LGSN: variants seen among roughly 807,000 people sequenced by gnomAD.
LGSN encodes lengsin, lens protein with glutamine synthetase domain.
Under a neutral mutation model 19.5 loss-of-function variants are expected in LGSN, and 21 were observed. The ratio of observed to expected loss-of-function variants is 1.07; its 90% CI spans 0.76 to 1.55. The LOEUF (loss-of-function observed/expected upper bound fraction) is 1.55. Ranked by LOEUF, LGSN falls within the 40% of genes most tolerant of loss-of-function variation. The pLI is 0.00. For synonymous variants in LGSN, 257 were observed against 215.6 expected (o/e 1.19, Z -1.68); for missense variants, 673 against 608.5 (o/e 1.11, Z -1.12).
the LGSN span, chr6:63,572,310 C>CA: frequency 4.4e-6 from 1 of 227,378 alleles, no homozygotes. Flanking sequence ...GGCGCTTAGC[C>CA]ATTCATCAAC....
chr6:63,518,894 A>G, the LGSN span, among the ~76,000 whole-genome samples: 1 of 152,204 alleles, frequency 6.6e-6, no homozygotes, highest in East Asian at 1.9e-4. Context: ...TATCTTTCAG[A>G]TTTTAGAAAA....
chr6:63,297,708 C>T (rs1482917279), intron 1 of LGSN, among the ~76,000 whole-genome samples: 2 of 152,160 alleles, frequency 1.3e-5, no homozygotes, highest in Non-Finnish European at 2.9e-5. Flanking sequence ...CACAAAGTAG[C>T]AAGTCCTTCT....
chr6:63,434,604 C>CA, the LGSN span, among the ~76,000 whole-genome samples: 2,457 of 62,788 alleles, frequency 0.039, 36 homozygotes, highest in Middle Eastern at 0.078. Context: ...ACTAAAAATT[C>CA]AAAAAAAAAA....
chr6:63,470,759 T>A, the LGSN span, among the ~76,000 whole-genome samples: 2 of 151,918 alleles, frequency 1.3e-5, no homozygotes, highest in Non-Finnish European at 2.9e-5. Context: ...TCATCCTTAG[T>A]AGGGGCACAA....
the LGSN span, among the ~76,000 whole-genome samples, chr6:63,461,351 C>T: frequency 6.6e-6 from 1 of 152,214 alleles, no homozygotes; most frequent in African/African-American, 2.4e-5. Flanking sequence ...CATGCCCAGC[C>T]TTGTCTGTGC....
chr6:63,432,183 GAAAAGAAAAGAAAAGA>G, the LGSN span, among the ~76,000 whole-genome samples: 1 of 25,034 alleles, frequency 4.0e-5, no homozygotes, highest in Non-Finnish European at 7.5e-5. Context: ...AGGAAAGAAA[GAAAAGAAAAGAAAAGA>G]AAAGAAAAGA....
At chr6:63,365,483 T>A in the LGSN span, among the ~76,000 whole-genome samples, 5 of 152,276 alleles carry the variant, frequency 3.3e-5, no homozygotes, top group Non-Finnish European at 7.4e-5. Flanking sequence ...ACCAGATGGA[T>A]TCACAGACGA....
At chr6:63,284,329 G>GT (rs1282034796) in intron 3 of LGSN, among the ~76,000 whole-genome samples, 1 of 152,004 alleles carries the variant, frequency 6.6e-6, no homozygotes, top group Non-Finnish European at 1.5e-5. Flanking sequence ...GAATAAAAGT[G>GT]TTTTTTGTAT....
the LGSN span, among the ~76,000 whole-genome samples, chr6:63,328,299 G>T: frequency 6.6e-6 from 1 of 152,318 alleles, no homozygotes; most frequent in South Asian, 2.1e-4. Flanking sequence ...GCATAAGTCT[G>T]GACTATAATT....
At chr6:63,317,052 G>T (rs1035872018) in intron 1 of LGSN, among the ~76,000 whole-genome samples, 4 of 151,960 alleles carry the variant, frequency 2.6e-5, no homozygotes, top group Non-Finnish European at 5.9e-5. Flanking sequence ...ATGTAAAAAG[G>T]TATATTATAT....
the LGSN span, among the ~76,000 whole-genome samples, chr6:63,425,451 T>C: frequency 6.6e-6 from 1 of 152,186 alleles, no homozygotes; most frequent in East Asian, 1.9e-4. Context: ...AAAAAAAGAC[T>C]GGACATTCAT....
chr6:63,313,404 ATAT>A (rs1361401684), intron 1 of LGSN, among the ~76,000 whole-genome samples: 1 of 152,194 alleles, frequency 6.6e-6, no homozygotes, highest in South Asian at 2.1e-4. Flanking sequence ...CACACAAGAA[ATAT>A]TATCAAATGA....
chr6:63,419,401 T>C, the LGSN span, among the ~76,000 whole-genome samples: 1 of 152,154 alleles, frequency 6.6e-6, no homozygotes, highest in African/African-American at 2.4e-5. Context: ...GGAGGAAAGA[T>C]GGTCTCCCCA....
the LGSN span, among the ~76,000 whole-genome samples, chr6:63,500,825 T>G: frequency 6.6e-6 from 1 of 152,090 alleles, no homozygotes; most frequent in Non-Finnish European, 1.5e-5. Context: ...CTTCCTGGGC[T>G]CAAGTGATTC....
the LGSN span, among the ~76,000 whole-genome samples, chr6:63,336,416 G>A: frequency 6.6e-6 from 1 of 151,802 alleles, no homozygotes; most frequent in Admixed American, 6.6e-5. Context: ...TGCAGTCCCT[G>A]CACTTACTTA....
chr6:63,384,641 C>T, the LGSN span, among the ~76,000 whole-genome samples: 1 of 151,976 alleles, frequency 6.6e-6, no homozygotes, highest in Non-Finnish European at 1.5e-5. Context: ...CCTCAGCCTC[C>T]CAAGTAGCTG....
At chr6:63,538,465 G>A in the LGSN span, among the ~76,000 whole-genome samples, 4 of 152,166 alleles carry the variant, frequency 2.6e-5, no homozygotes, top group African/African-American at 4.8e-5. Context: ...AATTAGATTA[G>A]TTTAATTTGA....
At chr6:63,546,171 C>G in the LGSN span, among the ~76,000 whole-genome samples, 2 of 152,034 alleles carry the variant, frequency 1.3e-5, no homozygotes, top group African/African-American at 2.4e-5. Context: ...CATGTATATA[C>G]AGTATATACA....
chr6:63,357,207 C>T, the LGSN span, among the ~76,000 whole-genome samples: 1 of 152,060 alleles, frequency 6.6e-6, no homozygotes, highest in African/African-American at 2.4e-5. Flanking sequence ...GTATATGTGC[C>T]ACATTTTCTT....
Sources: gnomAD v4.1 joint callset for allele counts (sites outside exome capture counted in the v4.1 genomes callset) on GRCh38, gnomAD v4.1.1 for gene constraint, MANE v1.5 for transcripts, NCBI Gene and HGNC (gene_info 2026-07-23, HGNC 2026-07-21) for gene names.